Variants in RORB observed in about 807,000 individuals in gnomAD.
The protein encoded by RORB is RAR related orphan receptor B.
Under a neutral mutation model 59.1 loss-of-function variants are expected in RORB, and 6 were observed. That is an observed-to-expected ratio of 0.10 (90% CI 0.06 to 0.20). The LOEUF is 0.20. Among genes scored for constraint, RORB ranks in the 10% least tolerant of loss-of-function variants. The pLI is 1.00. For synonymous variants in RORB, 215 were observed against 204.5 expected, an observed-to-expected ratio of 1.05 and a Z score of -0.44; for missense variants, 320 against 560.5, an observed-to-expected ratio of 0.57 and a Z score of 4.33.
chr9:74,643,517 T>C (rs1216945107), intron 4 of RORB, among the ~76,000 whole-genome samples: 2 of 152,242 alleles, frequency 1.3e-5, no homozygotes, highest in African/African-American at 4.8e-5. Flanking sequence ...AGCTCTCTTC[T>C]GACCCACTGC....
intron 1 of RORB, among the ~76,000 whole-genome samples, chr9:74,562,163 C>A (rs779460889): frequency 1.3e-5 from 2 of 152,174 alleles, no homozygotes; most frequent in East Asian, 3.9e-4. Flanking sequence ...ACCCTTGAAC[C>A]CTTGAAAACT....
At chr9:74,640,778 G>C (rs1823790458) in intron 3 of RORB, among the ~76,000 whole-genome samples, 1 of 152,146 alleles carries the variant, frequency 6.6e-6, no homozygotes, top group East Asian at 1.9e-4. Flanking sequence ...CAGTGAGGGG[G>C]CTTAGGAATT....
chr9:74,515,390 T>G (rs1336031561), intron 1 of RORB, among the ~76,000 whole-genome samples: 2 of 151,918 alleles, frequency 1.3e-5, no homozygotes, highest in Admixed American at 1.3e-4. Context: ...GTCTGTGCGA[T>G]GTTTCCTCAC....
At chr9:74,532,776 ATG>A (rs1316575385) in intron 1 of RORB, among the ~76,000 whole-genome samples, 1 of 148,432 alleles carries the variant, frequency 6.7e-6, no homozygotes, top group African/African-American at 2.5e-5. Flanking sequence ...GTGTATGTGT[ATG>A]TGTGTATATA....
At chr9:74,543,324 G>A (rs1387933985) in intron 1 of RORB, among the ~76,000 whole-genome samples, 2 of 152,218 alleles carry the variant, frequency 1.3e-5, no homozygotes, top group Non-Finnish European at 2.9e-5. Context: ...ACAGGACGGT[G>A]TGGAACACCC....
At chr9:74,674,822 G>T (rs146683868) in intron 9 of RORB, among the ~76,000 whole-genome samples, 1 of 152,094 alleles carries the variant, frequency 6.6e-6, no homozygotes, top group Non-Finnish European at 1.5e-5. Flanking sequence ...GATACATAGC[G>T]TATTTATAAT....
At chr9:74,591,114 A>G (rs1822883538) in intron 1 of RORB, among the ~76,000 whole-genome samples, 1 of 152,198 alleles carries the variant, frequency 6.6e-6, no homozygotes, top group Admixed American at 6.5e-5. Flanking sequence ...ATTTTAAAAG[A>G]AGTTTCAGAG....
intron 9 of RORB, among the ~76,000 whole-genome samples, chr9:74,673,758 T>C (rs1377083304): frequency 6.6e-6 from 1 of 152,206 alleles, no homozygotes; most frequent in Non-Finnish European, 1.5e-5. Context: ...AGACAAGTAA[T>C]GTTGCAAAAC....
chr9:74,584,665 C>T (rs1822771280), intron 1 of RORB, among the ~76,000 whole-genome samples: 1 of 152,100 alleles, frequency 6.6e-6, no homozygotes, highest in African/African-American at 2.4e-5. Flanking sequence ...GACAGAAAGC[C>T]ATTAATGGAA....
chr9:74,498,138 T>C, intron 1 of RORB, 155 bp downstream of exon 1: 2 of 830,016 alleles, frequency 2.4e-6, no homozygotes, highest in Non-Finnish European at 3.8e-6. Context: ...GCAAATGGCC[T>C]GGGCGTAGAA....
intron 9 of RORB, among the ~76,000 whole-genome samples, chr9:74,680,522 C>T (rs141673876): frequency 1.6e-3 from 241 of 152,192 alleles, no homozygotes; most frequent in African/African-American, 5.4e-3. Context: ...TCAGCCATGC[C>T]CAGGGTAGAA....
In RORB at chr9:74,498,823, T is replaced by TGGC. The variant is rs1055398773; in HGVS notation, c.7+855_7+857dup. On this transcript the variant is annotated intron_variant, in intron 1 of 9. Transcript: ENST00000376896. ...CCAGGACCCTCGCAGTCGCAGGCGG[T>TGGC]GGCGGCGGCGGCGGCGGGACCCCGG... is the stretch of plus-strand genomic sequence containing the variant. 9.5e-4 allele frequency: 154 copies of TGGC among 161,476 alleles called. 1 individual carries two copies. Among genetic ancestry groups the TGGC allele is most frequent in the African/African-American group, 3.3e-3 (136 of 41,326 alleles). 10.0% of individuals were successfully genotyped at this position (161,476 alleles called of 1,614,324 possible).
At chr9:74,664,148 T>A (rs1824232272) in intron 6 of RORB, among the ~76,000 whole-genome samples, 2 of 152,200 alleles carry the variant, frequency 1.3e-5, no homozygotes, top group Admixed American at 6.5e-5. Context: ...GATAGCAGTT[T>A]CCTCATTTGT....
intron 1 of RORB, among the ~76,000 whole-genome samples, chr9:74,501,727 T>G (rs1420249865): frequency 6.7e-6 from 1 of 150,102 alleles, no homozygotes; most frequent in Middle Eastern, 3.2e-3. Flanking sequence ...GGTGAGTTTG[T>G]AACAAGTATT....
At chr9:74,661,861 G>T (rs1824190309) in intron 5 of RORB, among the ~76,000 whole-genome samples, 1 of 151,776 alleles carries the variant, frequency 6.6e-6, no homozygotes, top group Admixed American at 6.6e-5. Flanking sequence ...TAGCCAGGAT[G>T]GTGTCGATCT....
chr9:74,504,594 G>A (rs1466806412), intron 1 of RORB, among the ~76,000 whole-genome samples: 1 of 151,806 alleles, frequency 6.6e-6, no homozygotes, highest in Non-Finnish European at 1.5e-5. Flanking sequence ...TACTAAAATG[G>A]GTATTTACTA....
At chr9:74,566,660 G>A in intron 1 of RORB, among the ~76,000 whole-genome samples, 1 of 152,132 alleles carries the variant, frequency 6.6e-6, no homozygotes, top group East Asian at 1.9e-4. Flanking sequence ...AGCTGGGTGT[G>A]GTGGCATGCA....
intron 1 of RORB, among the ~76,000 whole-genome samples, chr9:74,557,610 A>T (rs1221762873): frequency 6.6e-6 from 1 of 152,094 alleles, no homozygotes; most frequent in Admixed American, 6.6e-5. Context: ...AATACTTATG[A>T]TTTGGACTAA....
At position 74,636,157 on chromosome 9, in the gene RORB, T is replaced by A. The variant is rs1823699368; in HGVS notation, c.235+1385T>A. On this transcript the variant is annotated intron_variant, in intron 3 of 9. Transcript: ENST00000376896. ...GGTACTTCTGTATAATCAAGGCAAA[T>A]AAATTAAGAGAGAGGATTAAGTAGT... Among the ~76,000 whole-genome samples, 3 of 152,046 alleles carry A rather than the reference T, an allele frequency of 2.0e-5. No homozygotes were observed. The South Asian group carries it at 6.2e-4, about 31-fold the overall frequency.
Sources: gnomAD v4.1 joint callset for allele counts (sites outside exome capture counted in the v4.1 genomes callset) on GRCh38, gnomAD v4.1.1 for gene constraint, MANE v1.5 for transcripts, NCBI Gene and HGNC (gene_info 2026-07-23, HGNC 2026-07-21) for gene names.